RB1: variants seen among roughly 807,000 people sequenced by gnomAD.
RB1 encodes retinoblastoma-associated protein.
A neutral mutation model predicts 135.4 loss-of-function variants in RB1; 18 were observed. The observed-to-expected ratio is 0.13, with a 90% CI of 0.09 to 0.20. RB1 has a LOEUF of 0.20. Ranked by LOEUF, RB1 falls within the 10% of genes least tolerant of loss-of-function variation. The pLI is 1.00. For synonymous variants in RB1, 365 were observed against 373.2 expected (o/e 0.98, Z 0.25); for missense variants, 868 against 1,110.0 (o/e 0.78, Z 3.10).
chr13:48,383,974 A>G (rs1948555056), intron 17 of RB1, among the ~76,000 whole-genome samples: 1 of 152,100 alleles, frequency 6.6e-6, no homozygotes. Flanking sequence ...TGAGAGAGAT[A>G]CTGTGAAGAT....
intron 6 of RB1, among the ~76,000 whole-genome samples, chr13:48,349,399 G>T (rs909569149): frequency 1.3e-5 from 2 of 151,692 alleles, no homozygotes; most frequent in African/African-American, 4.8e-5. Flanking sequence ...TACATAATTG[G>T]GATGCAGTTA....
intron 17 of RB1, among the ~76,000 whole-genome samples, chr13:48,439,154 TTGA>T (rs1377619273): frequency 6.6e-6 from 1 of 152,204 alleles, no homozygotes; most frequent in Non-Finnish European, 1.5e-5. Context: ...AGACTTGGGT[TTGA>T]ATCACTGCTC....
chr13:48,465,155 G>A (rs1242060496), intron 22 of RB1, 44 bp downstream of exon 22: 1 of 1,612,616 alleles, frequency 6.2e-7, no homozygotes, highest in Non-Finnish European at 8.5e-7. Flanking sequence ...TAATGTAATG[G>A]GTCCACCAAA....
intron 16 of RB1, 94 bp from the exon 17 acceptor site, chr13:48,381,153 C>A: frequency 6.8e-7 from 1 of 1,472,376 alleles, no homozygotes; most frequent in Middle Eastern, 2.5e-4. Context: ...TTTAACCTTT[C>A]TACTGTTTTC....
At chr13:48,402,161 ATCTG>A (rs1948697861) in intron 17 of RB1, among the ~76,000 whole-genome samples, 1 of 152,156 alleles carries the variant, frequency 6.6e-6, no homozygotes, top group African/African-American at 2.4e-5. Context: ...TGAACTTACT[ATCTG>A]TTCTTGAAAA....
chr13:48,478,997 T>TGA (rs1007785895), intron 26 of RB1, among the ~76,000 whole-genome samples: 1 of 152,024 alleles, frequency 6.6e-6, no homozygotes, highest in African/African-American at 2.4e-5. Flanking sequence ...GAGGGCAAGG[T>TGA]GAGAGGATTG....
intron 2 of RB1, chr13:48,318,174 C>T: frequency 1.8e-6 from 1 of 554,186 alleles, no homozygotes; most frequent in Non-Finnish European, 3.3e-6. Context: ...CATACTGCCA[C>T]AGACACTGGG....
Position 48,381,342 on chromosome 13 carries a change from A to T in RB1, c.1594A>T (p.Ile532Phe), listed in dbSNP as rs2138145305. The change falls in exon 17 of 27, where the codon ATC becomes TTC. Residue 532 changes from isoleucine to phenylalanine, a missense_variant. This residue lies in a region of RB1 where 641 missense variants were observed against 791.3 expected (regional missense o/e 0.81). Transcript: ENST00000267163. The part of the protein sequence containing the change: ...NLKAFDFYKV[I>F]ESFIKAEGNL... Reference sequence around the variant, plus strand: ...AAAAGCCTTTGATTTTTACAAAGTGATCGAAAGTTTTATCAAAGCAGAAGG... The same window carrying T: ...AAAAGCCTTTGATTTTTACAAAGTGTTCGAAAGTTTTATCAAAGCAGAAGG... 1 of 1,612,006 alleles carries T rather than the reference A, an allele frequency of 6.2e-7. No individual in the cohort carries two copies. The highest frequency in any genetic ancestry group is 8.5e-7 in the Non-Finnish European group (1 of 1,179,088).
chr13:48,391,145 A>G (rs756837421), intron 17 of RB1, among the ~76,000 whole-genome samples: 2 of 151,910 alleles, frequency 1.3e-5, no homozygotes, highest in African/African-American at 2.4e-5. Context: ...TTTTTGATTT[A>G]TAATATGAAT....
At chr13:48,395,626 A>G (rs1948641925) in intron 17 of RB1, among the ~76,000 whole-genome samples, 1 of 152,112 alleles carries the variant, frequency 6.6e-6, no homozygotes, top group African/African-American at 2.4e-5. Context: ...GAAAAAAAGG[A>G]TATCAGAGAT....
At chr13:48,391,325 G>C (rs1028076209) in intron 17 of RB1, 1 of 152,050 alleles carries the variant, frequency 6.6e-6, no homozygotes, top group African/African-American at 2.4e-5. Flanking sequence ...CATAACTTTT[G>C]TTTTAAACCA....
chr13:48,466,578 GAGA>G (rs1215950945), intron 23 of RB1, among the ~76,000 whole-genome samples: 1 of 152,022 alleles, frequency 6.6e-6, no homozygotes, highest in Non-Finnish European at 1.5e-5. Flanking sequence ...GACGAGCTGA[GAGA>G]AGAAGGTTTC....
intron 17 of RB1, among the ~76,000 whole-genome samples, chr13:48,392,120 C>CT (rs1478522983): frequency 1.3e-5 from 2 of 150,534 alleles, no homozygotes; most frequent in Admixed American, 6.6e-5. Context: ...TTCTTTTTTT[C>CT]TTTTTTTTGA....
intron 6 of RB1, among the ~76,000 whole-genome samples, chr13:48,358,909 C>T (rs1952614653): frequency 6.6e-6 from 1 of 152,104 alleles, no homozygotes; most frequent in African/African-American, 2.4e-5. Context: ...TTCTTTACCA[C>T]TATGGTATTT....
intron 17 of RB1, among the ~76,000 whole-genome samples, chr13:48,394,758 A>G (rs903329608): frequency 2.0e-5 from 3 of 152,208 alleles, no homozygotes; most frequent in Non-Finnish European, 4.4e-5. Context: ...AGGGGCCTAT[A>G]GATAAAACTC....
At chr13:48,306,008 A>T (rs1952077634) in intron 1 of RB1, among the ~76,000 whole-genome samples, 1 of 152,216 alleles carries the variant, frequency 6.6e-6, no homozygotes, top group Admixed American at 6.5e-5. Context: ...GATGGCGCGT[A>T]CCTGTAGTCC....
rs1038764979 is a variant in RB1, at chr13:48,456,219, A to G, written c.1830A>G (p.Val610=). The G allele has an allele frequency of 5.0e-6, 8 of 1,614,120 alleles. No individual in the cohort carries two copies. In the South Asian group the frequency reaches 8.8e-5, roughly 18 times the overall value. ...HTAADMYLSP[V]RSPKKKGSTT... is the part of the protein sequence containing the mutation. Reference sequence around the variant, plus strand: ...ATATATCTAGGTATCTTTCTCCTGTAAGATCTCCAAAGAAAAAAGGTTCAA... The same window carrying G: ...ATATATCTAGGTATCTTTCTCCTGTGAGATCTCCAAAGAAAAAAGGTTCAA... The change falls in exon 19 of 27, where the codon GTA becomes GTG. Residue 610 remains valine (V), a synonymous_variant. Transcript: ENST00000267163.
chr13:48,396,363 T>C (rs2854364), intron 17 of RB1, among the ~76,000 whole-genome samples: 137,944 of 152,232 alleles, frequency 0.91, 63,519 homozygotes, highest in East Asian at 1. Flanking sequence ...ACCATCTGAT[T>C]TTTGACAAAC....
intron 17 of RB1, among the ~76,000 whole-genome samples, chr13:48,405,370 G>A (rs1948730732): frequency 6.6e-6 from 1 of 151,950 alleles, no homozygotes. Context: ...TTTTTTCCTC[G>A]GGCTTTTGAA....
Sources: allele counts gnomAD v4.1 joint callset (sites outside exome capture counted in the v4.1 genomes callset), GRCh38; gene constraint gnomAD v4.1.1; regional missense constraint gnomAD v4.1.1; transcripts MANE v1.5; gene names NCBI Gene and HGNC (gene_info 2026-07-23, HGNC 2026-07-21).